The following ADAMTSL1 variants were observed in gnomAD, a reference collection of about 807,000 sequenced individuals.
ADAMTSL1 encodes the protein ADAMTS like 1, also known as ADAMTS-like protein 1.
A neutral mutation model predicts 201.8 loss-of-function variants in ADAMTSL1; 126 were observed. The observed-to-expected ratio is 0.62, with a 90% CI of 0.54 to 0.72. The LOEUF (loss-of-function observed/expected upper bound fraction) is 0.72, where lower values mean the gene tolerates loss of function less well. Ranked by LOEUF, ADAMTSL1 falls within the 30% of genes least tolerant of loss-of-function variation. The pLI is 0.00. For synonymous variants in ADAMTSL1, 1,121 were observed against 903.4 expected, an observed-to-expected ratio of 1.24 and a Z score of -4.32; for missense variants, 2,679 against 2,277.8, an observed-to-expected ratio of 1.18 and a Z score of -3.59.
Position 18,018,036 on chromosome 9 carries a change from A to G in ADAMTSL1, c.87+111114A>G, listed in dbSNP as rs374114581. Reference sequence around the variant, plus strand: ...ACTGCAGCTAGTGACCTCTTTTGGTACAGCTCTCATGCTAAGACTGGGTTT... The same window carrying G: ...ACTGCAGCTAGTGACCTCTTTTGGTGCAGCTCTCATGCTAAGACTGGGTTT... On this transcript the variant is annotated intron_variant, in intron 1 of 29. Transcript: ENST00000680146. Among the ~76,000 whole-genome samples, 232 of 152,212 alleles carry G rather than the reference A, an allele frequency of 1.5e-3. 7 individuals are homozygous for G. In the South Asian group the frequency reaches 0.047, roughly 31 times the overall value.
At chr9:18,802,258 A>G (rs1472636796) in intron 20 of ADAMTSL1, among the ~76,000 whole-genome samples, 2 of 152,074 alleles carry the variant, frequency 1.3e-5, no homozygotes, top group African/African-American at 4.8e-5. Flanking sequence ...GTGCCAGAGT[A>G]AGACCCTGTC....
intron 1 of ADAMTSL1, among the ~76,000 whole-genome samples, chr9:18,053,626 A>C (rs150722019): frequency 6.6e-6 from 1 of 151,984 alleles, no homozygotes; most frequent in East Asian, 1.9e-4. Context: ...TCTTTCTGTT[A>C]ATAAACAAAA....
At chr9:18,750,487 G>A (rs1819411567) in intron 15 of ADAMTSL1, among the ~76,000 whole-genome samples, 1 of 152,188 alleles carries the variant, frequency 6.6e-6, no homozygotes, top group Non-Finnish European at 1.5e-5. Flanking sequence ...ATAATCTTGT[G>A]TGAATATATC....
chr9:18,446,731 C>G (rs892151875), intron 2 of ADAMTSL1, among the ~76,000 whole-genome samples: 3 of 152,232 alleles, frequency 2.0e-5, no homozygotes, highest in African/African-American at 4.8e-5. Context: ...ACACGTTTTT[C>G]TCAACATGTT....
At chr9:18,271,510 AT>A (rs1265909757) in intron 2 of ADAMTSL1, among the ~76,000 whole-genome samples, 1 of 152,024 alleles carries the variant, frequency 6.6e-6, no homozygotes, top group African/African-American at 2.4e-5. Flanking sequence ...TGAACTCATC[AT>A]TTTTTATGGC....
chr9:17,969,279 G>A (rs549307002), intron 1 of ADAMTSL1, among the ~76,000 whole-genome samples: 1 of 152,146 alleles, frequency 6.6e-6, no homozygotes, highest in South Asian at 2.1e-4. Flanking sequence ...TGTGATATTA[G>A]AGAATAATTT....
intron 14 of ADAMTSL1, among the ~76,000 whole-genome samples, chr9:18,713,810 C>G (rs1035441933): frequency 2.0e-5 from 3 of 147,708 alleles, no homozygotes; most frequent in African/African-American, 7.4e-5. Context: ...TTTTCAGCAC[C>G]ACACCACACC....
At chr9:18,570,576 C>T (rs982651440) in intron 3 of ADAMTSL1, among the ~76,000 whole-genome samples, 1 of 138,518 alleles carries the variant, frequency 7.2e-6, no homozygotes, top group African/African-American at 2.7e-5. Context: ...ACACTTAAAT[C>T]ATCAAAATGT....
At chr9:17,979,766 C>G (rs1038071601) in intron 1 of ADAMTSL1, among the ~76,000 whole-genome samples, 4 of 152,142 alleles carry the variant, frequency 2.6e-5, no homozygotes, top group Admixed American at 6.5e-5. Context: ...GAGTTCCAGA[C>G]TGGCTTCAAT....
chr9:18,764,694 A>G (rs1159773846), intron 16 of ADAMTSL1, among the ~76,000 whole-genome samples: 1 of 152,260 alleles, frequency 6.6e-6, no homozygotes, highest in African/African-American at 2.4e-5. Context: ...GGCACATGAC[A>G]GTATGTCAAG....
chr9:18,223,568 A>G (rs1455548189), intron 2 of ADAMTSL1, among the ~76,000 whole-genome samples: 2 of 152,108 alleles, frequency 1.3e-5, no homozygotes, highest in Non-Finnish European at 2.9e-5. Context: ...AATATAAATT[A>G]TACTTTTCAT....
rs1343609026 is a variant in ADAMTSL1, at chr9:18,805,280, C to A, written c.3805+9756C>A. On this transcript the variant is annotated intron_variant, in intron 20 of 28. Coordinates refer to ENST00000380548, the MANE Select transcript of ADAMTSL1 (RefSeq NM_001040272.6). ...GTATTTAAATTATTTCTTCTAATTA[C>A]ACTGGAATTCTCAGAGTTGTTCAAA... is the stretch of plus-strand genomic sequence containing the variant. Among the ~76,000 whole-genome samples, 3 of 152,234 alleles carry A rather than the reference C, an allele frequency of 2.0e-5. No individual in the cohort carries two copies. In the East Asian group the frequency reaches 5.8e-4, roughly 29 times the overall value.
chr9:18,027,817 T>A, intron 1 of ADAMTSL1, among the ~76,000 whole-genome samples: 1 of 152,116 alleles, frequency 6.6e-6, no homozygotes, highest in East Asian at 1.9e-4. Flanking sequence ...AGGTGGCTAC[T>A]GAAGACCTCA....
chr9:18,219,789 T>C (rs1353020882), intron 2 of ADAMTSL1, among the ~76,000 whole-genome samples: 1 of 152,192 alleles, frequency 6.6e-6, no homozygotes, highest in African/African-American at 2.4e-5. Context: ...AAAATATCTT[T>C]TTAAATTTAA....
At chr9:18,054,233 G>T (rs1430476484) in intron 1 of ADAMTSL1, among the ~76,000 whole-genome samples, 4 of 152,184 alleles carry the variant, frequency 2.6e-5, no homozygotes, top group Admixed American at 2.6e-4. Context: ...GAGAAACCAT[G>T]TAAAAGCCCA....
intron 1 of ADAMTSL1, among the ~76,000 whole-genome samples, chr9:17,938,164 C>G (rs960097344): frequency 1.3e-5 from 2 of 152,112 alleles, no homozygotes; most frequent in Non-Finnish European, 2.9e-5. Context: ...GTTGTGTGCA[C>G]TCGTCTCTAA....
chr9:18,097,333 AT>A (rs1367023470), intron 1 of ADAMTSL1, among the ~76,000 whole-genome samples: 1 of 152,118 alleles, frequency 6.6e-6, no homozygotes, highest in Non-Finnish European at 1.5e-5. Context: ...GTGTTTCTGG[AT>A]TTTGGCTATT....
chr9:18,295,850 C>A (rs759136491), intron 2 of ADAMTSL1, among the ~76,000 whole-genome samples: 2 of 152,232 alleles, frequency 1.3e-5, no homozygotes, highest in African/African-American at 2.4e-5. Flanking sequence ...AAAAGACATA[C>A]ATTTGGATTT....
chr9:18,683,688 G>C (rs1830657587), intron 12 of ADAMTSL1, among the ~76,000 whole-genome samples: 1 of 152,132 alleles, frequency 6.6e-6, no homozygotes, highest in African/African-American at 2.4e-5. Context: ...TGTGCATAGA[G>C]AACAAGAAGT....
Sources: gnomAD v4.1 joint callset for allele counts (sites outside exome capture counted in the v4.1 genomes callset) on GRCh38, gnomAD v4.1.1 for gene constraint, MANE v1.5 for transcripts, NCBI Gene and HGNC (gene_info 2026-07-23, HGNC 2026-07-21) for gene names.